Variants in HFM1 observed in about 807,000 individuals in gnomAD.
HFM1 encodes the protein probable ATP-dependent DNA helicase HFM1.
In HFM1, 169 loss-of-function variants were observed where a neutral mutation model predicts 192.1. The observed-to-expected ratio is 0.88, with a 90% CI of 0.78 to 1.00. The LOEUF (loss-of-function observed/expected upper bound fraction) is 1.00. Among genes scored for constraint, HFM1 ranks in the 50% least tolerant of loss-of-function variants. The pLI is 0.00. For synonymous variants in HFM1, 525 were observed against 537.8 expected (o/e 0.98, Z 0.33); for missense variants, 1,661 against 1,668.0 (o/e 1.00, Z 0.07).
intron 32 of HFM1, 92 bp downstream of exon 32, chr1:91,276,536 G>A: frequency 1.8e-6 from 1 of 548,312 alleles, no homozygotes. Context: ...TAATTCTATA[G>A]TACACTGTGG....
At chr1:91,337,460 A>G (rs764325579) in intron 20 of HFM1, among the ~76,000 whole-genome samples, 11 of 152,240 alleles carry the variant, frequency 7.2e-5, no homozygotes, top group Admixed American at 6.5e-5. Flanking sequence ...AGTAATATGA[A>G]GGAATAAGAA....
At chr1:91,262,911 ACTTG>A (rs1665302629) in intron 36 of HFM1, among the ~76,000 whole-genome samples, 1 of 152,148 alleles carries the variant, frequency 6.6e-6, no homozygotes, top group Middle Eastern at 3.2e-3. Flanking sequence ...TCTAAATTCC[ACTTG>A]CTTAACTTTT....
At chr1:91,401,654 G>A (rs1664320431) in intron 1 of HFM1, among the ~76,000 whole-genome samples, 1 of 152,072 alleles carries the variant, frequency 6.6e-6, no homozygotes, top group African/African-American at 2.4e-5. Flanking sequence ...CAAAGCTAAA[G>A]CTATGTAATA....
intron 20 of HFM1, among the ~76,000 whole-genome samples, chr1:91,342,495 AT>A (rs1380974309): frequency 6.6e-6 from 1 of 152,096 alleles, no homozygotes; most frequent in Non-Finnish European, 1.5e-5. Flanking sequence ...GCTTTGCTAA[AT>A]TTCCCCCAAT....
chr1:91,289,071 G>A (rs1167557180), intron 30 of HFM1, among the ~76,000 whole-genome samples: 2 of 151,540 alleles, frequency 1.3e-5, no homozygotes, highest in African/African-American at 2.4e-5. Context: ...CGGATGGGGC[G>A]GCTGCCGGGC....
intron 13 of HFM1, among the ~76,000 whole-genome samples, chr1:91,364,408 T>C (rs1304640720): frequency 6.6e-6 from 1 of 151,254 alleles, no homozygotes; most frequent in East Asian, 1.9e-4. Context: ...AAAAATGGAA[T>C]TACCATATTA....
At chr1:91,385,494 T>C in intron 5 of HFM1, 81 bp downstream of exon 5, 1 of 1,188,430 alleles carries the variant, frequency 8.4e-7, no homozygotes, top group East Asian at 2.4e-5. Flanking sequence ...TCAAATTTAC[T>C]ATATTTTTAC....
chr1:91,288,904 C>T (rs750059906), intron 30 of HFM1, among the ~76,000 whole-genome samples: 32 of 152,308 alleles, frequency 2.1e-4, no homozygotes, highest in East Asian at 7.7e-4. Context: ...ACCTCCCAGA[C>T]GGGGTGGCGG....
At chr1:91,391,493 A>C (rs1282758785) in intron 4 of HFM1, among the ~76,000 whole-genome samples, 2 of 152,196 alleles carry the variant, frequency 1.3e-5, no homozygotes, top group Non-Finnish European at 2.9e-5. Context: ...CAAAAACAAG[A>C]AATGGGGAAA....
At chr1:91,380,419 A>G (rs559997536) in intron 7 of HFM1, among the ~76,000 whole-genome samples, 183 bp from the exon 8 acceptor site, 6 of 152,118 alleles carry the variant, frequency 3.9e-5, no homozygotes, top group Non-Finnish European at 8.8e-5. Flanking sequence ...CACTATTAGT[A>G]TTTTATCATG....
intron 25 of HFM1, among the ~76,000 whole-genome samples, chr1:91,318,675 C>A (rs1216284372): frequency 6.6e-6 from 1 of 152,056 alleles, no homozygotes; most frequent in African/African-American, 2.4e-5. Flanking sequence ...AAAGAGGTGA[C>A]ATAATTTTCT....
chr1:91,356,368 T>G (rs770682705), intron 13 of HFM1, among the ~76,000 whole-genome samples: 3 of 151,778 alleles, frequency 2.0e-5, no homozygotes, highest in Non-Finnish European at 4.4e-5. Flanking sequence ...CTCAGCCTCC[T>G]GAGTAGCTGG....
At chr1:91,329,413 T>G in intron 20 of HFM1, 1 of 1,576,072 alleles carries the variant, frequency 6.3e-7, no homozygotes, top group Middle Eastern at 2.1e-4. Flanking sequence ...TTCTTCAAGG[T>G]GACTGGCTCA....
intron 6 of HFM1, among the ~76,000 whole-genome samples, chr1:91,381,502 C>A (rs1261904676): frequency 6.6e-6 from 1 of 152,086 alleles, no homozygotes; most frequent in Admixed American, 6.5e-5. Flanking sequence ...TTATAACTAT[C>A]AACATACTGG....
chr1:91,397,068 T>C (rs1419435557), intron 2 of HFM1, among the ~76,000 whole-genome samples: 1 of 152,208 alleles, frequency 6.6e-6, no homozygotes, highest in Non-Finnish European at 1.5e-5. Flanking sequence ...GTGGAACAGT[T>C]TCATCCCGAA....
At chr1:91,396,459 A>T in intron 2 of HFM1, 54 bp from the exon 3 acceptor site, 1 of 891,034 alleles carries the variant, frequency 1.1e-6, no homozygotes, top group Non-Finnish European at 1.7e-6. Context: ...ATAACATGAG[A>T]AGCTATGTGT....
intron 13 of HFM1, among the ~76,000 whole-genome samples, chr1:91,357,384 TTGACAGC>T (rs1220742052): frequency 3.9e-5 from 6 of 152,182 alleles, no homozygotes; most frequent in Non-Finnish European, 7.4e-5. Context: ...GAAAAAGCAT[TTGACAGC>T]AAGTTCAACA....
intron 30 of HFM1, among the ~76,000 whole-genome samples, chr1:91,280,831 T>C (rs984331931): frequency 6.6e-6 from 1 of 152,248 alleles, no homozygotes; most frequent in African/African-American, 2.4e-5. Context: ...CTGATCTTGC[T>C]TTGCCATCTG....
chr1:91,269,606 T>G (rs967805726), intron 34 of HFM1, among the ~76,000 whole-genome samples: 1 of 152,134 alleles, frequency 6.6e-6, no homozygotes, highest in African/African-American at 2.4e-5. Flanking sequence ...AATGTATATA[T>G]GTACTAAAAA....
Sources: allele counts gnomAD v4.1 joint callset (sites outside exome capture counted in the v4.1 genomes callset), GRCh38; gene constraint gnomAD v4.1.1; transcripts MANE v1.5; gene names NCBI Gene and HGNC (gene_info 2026-07-23, HGNC 2026-07-21).